Variants in CTNNA3 observed in about 807,000 individuals in gnomAD.
CTNNA3 encodes catenin alpha 3, also known as catenin alpha-3.
In CTNNA3, 76 loss-of-function variants were observed where a neutral mutation model predicts 95.7. That is an observed-to-expected ratio of 0.79 (90% CI 0.66 to 0.96). CTNNA3 has a LOEUF of 0.96. Ranked by LOEUF, CTNNA3 falls within the 40% of genes least tolerant of loss-of-function variation. CTNNA3 has a pLI of 0.00. For missense variants in CTNNA3, 1,191 were observed against 1,089.8 expected (o/e 1.09, Z -1.31); for synonymous variants, 431 against 374.4 (o/e 1.15, Z -1.74).
At chr10:66,620,989 A>G (rs1455773786) in intron 10 of CTNNA3, among the ~76,000 whole-genome samples, 2 of 152,110 alleles carry the variant, frequency 1.3e-5, no homozygotes, top group East Asian at 3.9e-4. Context: ...AAATTTCTCT[A>G]TGTGTATCTT....
Position 66,473,957 on chromosome 10 carries a change from A to G in CTNNA3, c.1531+46660T>C, listed in dbSNP as rs556048370. 7.9e-5 allele frequency among the ~76,000 whole-genome samples: 12 copies of G among 152,212 alleles called. No individual in the cohort carries two copies. In the South Asian group the frequency reaches 2.5e-3, roughly 32 times the overall value. ...TGGTTCCAAGTCTTTGCTATTGTGA[A>G]TAGTGCCACAATAAACATACGTGTA... On this transcript the variant is annotated intron_variant, in intron 11 of 17. Coordinates refer to ENST00000433211, the MANE Select transcript of CTNNA3 (RefSeq NM_013266.4).
At chr10:66,966,209 GA>G (rs1849401968) in intron 7 of CTNNA3, among the ~76,000 whole-genome samples, 1 of 152,046 alleles carries the variant, frequency 6.6e-6, no homozygotes, top group South Asian at 2.1e-4. Flanking sequence ...ATTAATAAAC[GA>G]AAACAATTTT....
intron 9 of CTNNA3, among the ~76,000 whole-genome samples, chr10:66,628,537 A>G (rs1845019710): frequency 6.6e-6 from 1 of 152,164 alleles, no homozygotes; most frequent in Non-Finnish European, 1.5e-5. Context: ...ATAAACAGAG[A>G]AAAACTTTGA....
At chr10:66,339,975 C>A (rs1377868866) in intron 12 of CTNNA3, among the ~76,000 whole-genome samples, 1 of 151,672 alleles carries the variant, frequency 6.6e-6, no homozygotes, top group Non-Finnish European at 1.5e-5. Context: ...TGGAGCCTTG[C>A]AGACATCCCT....
At chr10:67,359,017 A>G (rs1842911333) in intron 5 of CTNNA3, among the ~76,000 whole-genome samples, 1 of 152,100 alleles carries the variant, frequency 6.6e-6, no homozygotes, top group Non-Finnish European at 1.5e-5. Context: ...AGCACCATCT[A>G]ATAGAATGCA....
At chr10:66,073,456 A>G (rs1472742680) in intron 14 of CTNNA3, among the ~76,000 whole-genome samples, 2 of 152,168 alleles carry the variant, frequency 1.3e-5, no homozygotes, top group Admixed American at 6.6e-5. Flanking sequence ...TGATCAGTAC[A>G]TTCACTGCTG....
chr10:66,690,476 TC>T (rs1213488672), intron 9 of CTNNA3, among the ~76,000 whole-genome samples: 1 of 145,500 alleles, frequency 6.9e-6, no homozygotes, highest in East Asian at 2.1e-4. Context: ...CCCTCCCCCG[TC>T]CCCCCACCCC....
chr10:66,860,847 T>C (rs901841744), intron 7 of CTNNA3, among the ~76,000 whole-genome samples: 4 of 152,206 alleles, frequency 2.6e-5, no homozygotes, highest in Non-Finnish European at 4.4e-5. Flanking sequence ...TGCCTCAATG[T>C]AACCACATTG....
chr10:67,238,233 T>C (rs749816597), intron 5 of CTNNA3, among the ~76,000 whole-genome samples: 1 of 151,988 alleles, frequency 6.6e-6, no homozygotes, highest in Non-Finnish European at 1.5e-5. Context: ...TAGAGATATG[T>C]GAAACACCAG....
intron 10 of CTNNA3, among the ~76,000 whole-genome samples, chr10:66,580,898 A>T (rs1223804497): frequency 6.6e-6 from 1 of 151,294 alleles, no homozygotes; most frequent in East Asian, 1.9e-4. Context: ...TTTCATTTTT[A>T]CCCCCTCACC....
intron 17 of CTNNA3, among the ~76,000 whole-genome samples, chr10:65,935,812 C>CT (rs2077328333): frequency 2.0e-5 from 3 of 151,994 alleles, no homozygotes; most frequent in Admixed American, 1.3e-4. Context: ...TATGGAAAGG[C>CT]TTTTGCACTG....
At chr10:67,237,400 G>A (rs1047260462) in intron 5 of CTNNA3, among the ~76,000 whole-genome samples, 6 of 151,054 alleles carry the variant, frequency 4.0e-5, no homozygotes, top group African/African-American at 1.5e-4. Context: ...GTGGAATTGG[G>A]GGAAGGGATA....
chr10:66,522,960 T>C (rs1320729810), intron 10 of CTNNA3, among the ~76,000 whole-genome samples: 1 of 152,086 alleles, frequency 6.6e-6, no homozygotes, highest in Non-Finnish European at 1.5e-5. Context: ...ACCACATTAT[T>C]GGAGGTAGAA....
rs200860361 is a variant in CTNNA3, at chr10:66,989,389, T to C, written c.1047+190928A>G. ...TTTATTGAAAAATATTGTTCCAAAA[T>C]CTTGCTTCTTGATTATATTTGTAGG... On this transcript the variant is annotated intron_variant, in intron 7 of 17. Transcript: ENST00000433211. Among the ~76,000 whole-genome samples the C allele has an allele frequency of 2.0e-5, 3 of 152,324 alleles. No individual in the cohort carries two copies. In the East Asian group the frequency reaches 5.8e-4, roughly 29 times the overall value.
intron 7 of CTNNA3, among the ~76,000 whole-genome samples, chr10:66,841,514 A>C (rs1231865366): frequency 6.6e-6 from 1 of 152,202 alleles, no homozygotes; most frequent in Non-Finnish European, 1.5e-5. Context: ...ATAAATTATA[A>C]GAATGTTGAT....
intron 5 of CTNNA3, among the ~76,000 whole-genome samples, chr10:67,351,313 C>G (rs969758232): frequency 6.6e-6 from 1 of 151,774 alleles, no homozygotes; most frequent in Non-Finnish European, 1.5e-5. Flanking sequence ...TACCTATTTT[C>G]CAAAACTCAT....
chr10:67,680,677 A>T (rs567699195), intron 1 of CTNNA3, among the ~76,000 whole-genome samples: 50 of 152,358 alleles, frequency 3.3e-4, no homozygotes, highest in South Asian at 2.1e-3. Flanking sequence ...GTTATAATCA[A>T]AAACCCTGGC....
chr10:66,480,157 T>C (rs915114046), intron 11 of CTNNA3, among the ~76,000 whole-genome samples: 1 of 152,198 alleles, frequency 6.6e-6, no homozygotes, highest in Non-Finnish European at 1.5e-5. Flanking sequence ...TTACTCCTTG[T>C]TTGAGTAAAT....
At chr10:66,708,578 C>A (rs1438867528) in intron 9 of CTNNA3, among the ~76,000 whole-genome samples, 1 of 152,086 alleles carries the variant, frequency 6.6e-6, no homozygotes, top group East Asian at 1.9e-4. Context: ...GGAGTTAGGG[C>A]TTCAACATAT....
Sources: allele counts gnomAD v4.1 joint callset (sites outside exome capture counted in the v4.1 genomes callset), GRCh38; gene constraint gnomAD v4.1.1; transcripts MANE v1.5; gene names NCBI Gene and HGNC (gene_info 2026-07-23, HGNC 2026-07-21).